The following TEK variants were observed in gnomAD, a reference collection of about 807,000 sequenced individuals.
The protein encoded by TEK is angiopoietin-1 receptor.
Under a neutral mutation model 131.8 loss-of-function variants are expected in TEK, and 43 were observed. That is an observed-to-expected ratio of 0.33 (90% CI 0.26 to 0.42). The LOEUF is 0.42. Ranked by LOEUF, TEK falls within the 10% of genes least tolerant of loss-of-function variation. The pLI, the probability that TEK is intolerant of heterozygous loss-of-function variation, is 1.00. For missense variants in TEK, 1,162 were observed against 1,384.4 expected, an observed-to-expected ratio of 0.84 and a Z score of 2.55; for synonymous variants, 580 against 491.6, an observed-to-expected ratio of 1.18 and a Z score of -2.38.
At chr9:27,153,342 C>T (rs1823203298) in intron 1 of TEK, among the ~76,000 whole-genome samples, 1 of 152,126 alleles carries the variant, frequency 6.6e-6, no homozygotes, top group Non-Finnish European at 1.5e-5. Flanking sequence ...CCCAGCTACT[C>T]GAGAGGCTGA....
chr9:27,223,634 TTATAGCTC>T (rs1826182680), intron 21 of TEK, among the ~76,000 whole-genome samples: 2 of 152,154 alleles, frequency 1.3e-5, no homozygotes, highest in South Asian at 4.1e-4. Context: ...AGAGGGAAAT[TTATAGCTC>T]TAAATGCCCA....
intron 1 of TEK, among the ~76,000 whole-genome samples, chr9:27,144,023 C>A (rs866313049): frequency 1.6e-4 from 24 of 152,326 alleles, no homozygotes; most frequent in African/African-American, 4.3e-4. Context: ...GTGGCTTACG[C>A]CTGTAATCCC....
At chr9:27,125,030 A>G (rs905596459) in intron 1 of TEK, among the ~76,000 whole-genome samples, 1 of 152,178 alleles carries the variant, frequency 6.6e-6, no homozygotes, top group Admixed American at 6.5e-5. Flanking sequence ...TAACTGCATC[A>G]TAGCCACAAA....
intron 20 of TEK, among the ~76,000 whole-genome samples, 153 bp downstream of exon 20, chr9:27,218,970 T>C (rs1262331959): frequency 6.6e-6 from 1 of 152,136 alleles, no homozygotes; most frequent in Non-Finnish European, 1.5e-5. Context: ...TTAATTCCCA[T>C]ATTTTTCTTT....
intron 1 of TEK, among the ~76,000 whole-genome samples, chr9:27,143,587 T>A (rs1482088686): frequency 6.6e-6 from 1 of 152,188 alleles, no homozygotes; most frequent in Non-Finnish European, 1.5e-5. Context: ...TTTAATGAAA[T>A]TGCCTCTCTG....
At chr9:27,130,382 G>A (rs1438410487) in intron 1 of TEK, among the ~76,000 whole-genome samples, 4 of 151,964 alleles carry the variant, frequency 2.6e-5, no homozygotes, top group Non-Finnish European at 4.4e-5. Context: ...ATTCAAAATG[G>A]ATTAAAATGT....
chr9:27,185,897 GTC>G (rs1319887604), intron 9 of TEK, among the ~76,000 whole-genome samples: 1 of 152,164 alleles, frequency 6.6e-6, no homozygotes, highest in Non-Finnish European at 1.5e-5. Flanking sequence ...CTTTTTGAGT[GTC>G]TCTGTATTTG....
intron 12 of TEK, among the ~76,000 whole-genome samples, chr9:27,200,683 T>C (rs527777306): frequency 7.2e-5 from 11 of 152,318 alleles, no homozygotes; most frequent in Admixed American, 6.5e-4. Flanking sequence ...GCCTAGCAAT[T>C]ACATCTGGTC....
chr9:27,196,472 A>G (rs1238675790), intron 11 of TEK, among the ~76,000 whole-genome samples: 1 of 152,242 alleles, frequency 6.6e-6, no homozygotes, highest in East Asian at 1.9e-4. Context: ...TACTCTTAAA[A>G]GGTGCCCTTT....
intron 2 of TEK, among the ~76,000 whole-genome samples, chr9:27,158,410 T>G (rs1204834599): frequency 6.6e-6 from 1 of 152,172 alleles, no homozygotes; most frequent in African/African-American, 2.4e-5. Context: ...ATGGTACTTA[T>G]GGATAGTTGA....
chr9:27,208,993 T>A, intron 15 of TEK, 128 bp from the exon 16 acceptor site: 2 of 710,134 alleles, frequency 2.8e-6, no homozygotes, highest in East Asian at 5.4e-5. Context: ...TACTTTAGAG[T>A]AATCTCTTTG....
At chr9:27,151,324 G>C (rs1401099931) in intron 1 of TEK, among the ~76,000 whole-genome samples, 1 of 152,100 alleles carries the variant, frequency 6.6e-6, no homozygotes, top group Admixed American at 6.6e-5. Context: ...TTAACATAAG[G>C]GTTGACACAG....
chr9:27,197,672 A>G, intron 12 of TEK, 73 bp downstream of exon 12: 1 of 1,578,790 alleles, frequency 6.3e-7, no homozygotes, highest in Non-Finnish European at 8.7e-7. Flanking sequence ...AGCTAACATC[A>G]CTGCAGGACT....
At chr9:27,171,775 C>A (rs763567687) in intron 4 of TEK, among the ~76,000 whole-genome samples, 66 of 152,196 alleles carry the variant, frequency 4.3e-4, no homozygotes, top group Non-Finnish European at 2.2e-4. Context: ...CTTCTAGTAG[C>A]TTGCCTCACA....
chr9:27,141,108 G>A (rs1822707035), intron 1 of TEK, among the ~76,000 whole-genome samples: 1 of 152,088 alleles, frequency 6.6e-6, no homozygotes, highest in African/African-American at 2.4e-5. Context: ...GAAAGTATTT[G>A]TCTTTCTATA....
chr9:27,139,653 T>G (rs1317121209), intron 1 of TEK, among the ~76,000 whole-genome samples: 1 of 152,002 alleles, frequency 6.6e-6, no homozygotes, highest in African/African-American at 2.4e-5. Flanking sequence ...AGAAGTTGGT[T>G]TTCTTTTTTT....
chr9:27,220,485 A>C (rs142652969), intron 21 of TEK, among the ~76,000 whole-genome samples: 1 of 3,664 alleles, frequency 2.7e-4, no homozygotes, highest in Non-Finnish European at 4.1e-4. Flanking sequence ...CATTAAGATT[A>C]ATTAAGAAGG....
chr9:27,130,133 GA>G (rs1371603523), intron 1 of TEK, among the ~76,000 whole-genome samples: 16 of 152,182 alleles, frequency 1.1e-4, no homozygotes, highest in African/African-American at 3.9e-4. Context: ...AATGTCTTGA[GA>G]ATAGTTTTAC....
At chr9:27,117,125 A>C (rs541566489) in intron 1 of TEK, among the ~76,000 whole-genome samples, 11 of 152,186 alleles carry the variant, frequency 7.2e-5, no homozygotes, top group Non-Finnish European at 1.3e-4. Context: ...TCGGCCTCCC[A>C]AAATGCTGGG....
Sources: allele counts gnomAD v4.1 joint callset (sites outside exome capture counted in the v4.1 genomes callset), GRCh38; gene constraint gnomAD v4.1.1; transcripts MANE v1.5; gene names NCBI Gene and HGNC (gene_info 2026-07-23, HGNC 2026-07-21).